Variants in MFSD1 observed in about 807,000 individuals in gnomAD.
MFSD1 encodes major facilitator superfamily domain containing 1, also known as lysosomal dipeptide transporter MFSD1.
A neutral mutation model predicts 67.1 loss-of-function variants in MFSD1; 59 were observed. The observed-to-expected ratio is 0.88, with a 90% CI of 0.71 to 1.09. MFSD1 has a LOEUF of 1.09. Ranked by LOEUF, MFSD1 falls within the 50% of genes least tolerant of loss-of-function variation. The pLI, the probability that MFSD1 is intolerant of heterozygous loss-of-function variation, is 0.00. For synonymous variants in MFSD1, 213 were observed against 200.3 expected (o/e 1.06, Z -0.54); for missense variants, 552 against 566.1 (o/e 0.97, Z 0.25).
intron 13 of MFSD1, 23 bp downstream of exon 13, chr3:158,824,259 T>C: frequency 6.7e-7 from 1 of 1,499,664 alleles, no homozygotes; most frequent in Non-Finnish European, 9.2e-7. Flanking sequence ...TATGACAACA[T>C]TTTGTTTCTT....
Position 158,804,349 on chromosome 3 carries a change from C to T in MFSD1, c.194C>T (p.Ala65Val). ...GSYFCYDNPA[A>V]LQTQVKRDMQ... ...TATTTTTGCTATGATAATCCTGCTG[C>T]CCTTCAGACTCAAGTTAAACGAGTA... The change falls in exon 2 of 16, where the codon GCC (alanine) becomes GTC (valine). Residue 65 changes from alanine (A) to valine (V), a missense_variant. Physicochemically the swap from Ala to Val is moderately conservative, Grantham distance 64 (BLOSUM62 0). Coordinates refer to ENST00000415822, the MANE Select transcript of MFSD1 (RefSeq NM_022736.4). The T allele has an allele frequency of 6.2e-7, 1 of 1,611,178 alleles. No individual in the cohort carries two copies. Among genetic ancestry groups the T allele is most frequent in the Non-Finnish European group, 8.5e-7 (1 of 1,179,048 alleles).
At chr3:158,826,149 T>G in intron 14 of MFSD1, 87 bp downstream of exon 14, 1 of 978,626 alleles carries the variant, frequency 1.0e-6, no homozygotes, top group South Asian at 1.3e-5. Flanking sequence ...GGGCCAGTGC[T>G]TTATTCCATG....
Position 158,807,378 on chromosome 3 carries a change from T to C in MFSD1, c.373-18T>C, listed in dbSNP as rs1729781398. ...AATTTACTTTTTCATTAATTTGACA[T>C]GAACTTCTACATTATAGGTTGTTTT... On this transcript the variant is annotated intron_variant, in intron 4 of 15. Coordinates refer to ENST00000415822, the MANE Select transcript of MFSD1 (RefSeq NM_022736.4). 1 of 1,599,842 alleles carries C rather than the reference T, an allele frequency of 6.3e-7. No homozygotes were observed. The highest frequency in any genetic ancestry group is 8.6e-7 in the Non-Finnish European group (1 of 1,169,396).
At chr3:158,806,067 G>A (rs1729711002) in intron 3 of MFSD1, among the ~76,000 whole-genome samples, 1 of 152,136 alleles carries the variant, frequency 6.6e-6, no homozygotes, top group African/African-American at 2.4e-5. Context: ...GTTGTTAGTG[G>A]AACTGAAGAG....
intron 7 of MFSD1, among the ~76,000 whole-genome samples, chr3:158,814,872 C>T (rs1022295000): frequency 1.6e-4 from 24 of 152,074 alleles, no homozygotes; most frequent in Admixed American, 1.5e-3. Flanking sequence ...CACCTGAGGT[C>T]GGGAGTTCTA....
chr3:158,802,290 G>A lies in MFSD1; in HGVS notation c.138G>A (p.Leu46=). 1.9e-6 allele frequency: 3 copies of A among 1,611,094 alleles called. No homozygotes were observed. The highest frequency in any genetic ancestry group is 2.5e-6 in the Non-Finnish European group (3 of 1,178,304). The change falls in exon 1 of 16, where the codon CTG becomes CTA. Residue 46 remains leucine, a synonymous_variant. Coordinates refer to ENST00000415822, the MANE Select transcript of MFSD1 (RefSeq NM_022736.4). ...PSRLAHRLLV[L]LLMCFLGFGS... ...GCCTGGCGCACCGGCTTTTGGTGCT[G>A]TTACTGATGTGCTTCCTTGGCTTTG...
chr3:158,819,734 A>G lies in MFSD1; in HGVS notation c.738A>G (p.Glu246=), dbSNP rs760594159. The G allele has an allele frequency of 1.9e-6, 3 of 1,596,476 alleles. No homozygotes were observed. The Admixed American group carries it at 5.1e-5, about 27-fold the overall frequency. Residue 246 remains glutamate, a synonymous_variant, in exon 8 of 16, where the codon GAA becomes GAG. Coordinates refer to ENST00000415822, the MANE Select transcript of MFSD1 (RefSeq NM_022736.4). ...GAGCAGAGAGAATCCTTCATAAAGA[A>G]CAAGGAAAAACAGGTAAGTCTAAAT... ...DQRAERILHK[E]QGKTGEVIKL... is the part of the protein sequence containing the mutation.
At chr3:158,811,975 A>G (rs1730045970) in intron 6 of MFSD1, among the ~76,000 whole-genome samples, 1 of 152,234 alleles carries the variant, frequency 6.6e-6, no homozygotes, top group African/African-American at 2.4e-5. Context: ...ACTATTTAAA[A>G]TATCTATTAA....
rs1341414263 is a variant in MFSD1 at position 158,828,996 on chromosome 3, A to C, written c.*14A>C. On this transcript the variant is annotated 3_prime_UTR_variant, in exon 16 of 16. Transcript: ENST00000415822. Reference sequence around the variant, plus strand: ...TTTTGCAGATGAGAAGTTAAAATGAATGTGTCATGAGAATGGGCTTAACAC... The same window carrying C: ...TTTTGCAGATGAGAAGTTAAAATGACTGTGTCATGAGAATGGGCTTAACAC... 6.2e-7 allele frequency: 1 copy of C among 1,604,602 alleles called. No homozygotes were observed. The highest frequency in any genetic ancestry group is 2.2e-5 in the East Asian group (1 of 44,470).
chr3:158,821,565 A>G (rs1730669349), intron 9 of MFSD1, 32 bp from the exon 10 acceptor site: 1 of 1,442,630 alleles, frequency 6.9e-7, no homozygotes, highest in Admixed American at 1.8e-5. Flanking sequence ...GTTCTCTCTA[A>G]TGTGCTAATT....
intron 3 of MFSD1, among the ~76,000 whole-genome samples, chr3:158,806,242 T>A (rs900060093): frequency 2.0e-5 from 3 of 152,142 alleles, no homozygotes; most frequent in Non-Finnish European, 2.9e-5. Flanking sequence ...TTAAATTTAT[T>A]TTTTTTGATC....
intron 7 of MFSD1, among the ~76,000 whole-genome samples, chr3:158,815,985 A>T (rs1250430335): frequency 4.6e-5 from 7 of 152,126 alleles, no homozygotes; most frequent in Non-Finnish European, 1.5e-5. Context: ...ACATGAACTC[A>T]TCATTTTTTA....
At chr3:158,816,106 A>G (rs992329862) in intron 7 of MFSD1, among the ~76,000 whole-genome samples, 9 of 152,044 alleles carry the variant, frequency 5.9e-5, no homozygotes, top group Non-Finnish European at 1.2e-4. Context: ...TAGTGCCGCA[A>G]TAAACATACA....
chr3:158,821,655 T>A lies in MFSD1; in HGVS notation c.920+2T>A. On this transcript the variant is annotated splice_donor_variant, in intron 10 of 15. Transcript: ENST00000415822. LOFTEE classifies it high-confidence loss of function. ...CCAGGCAGCAAGTGCAATTAACAGG[T>A]ATTTTAAAATTAATTTTGTAAGTGC... is the stretch of plus-strand genomic sequence containing the variant. 1 of 1,604,704 alleles carries A rather than the reference T, an allele frequency of 6.2e-7. No homozygotes were observed. The highest frequency in any genetic ancestry group is 2.2e-5 in the East Asian group (1 of 44,782).
In MFSD1 at chr3:158,821,945, G is replaced by C. The variant is rs565741284; in HGVS notation, c.921-39G>C. 3.2e-6 allele frequency: 5 copies of C among 1,587,248 alleles called. No individual in the cohort carries two copies. The South Asian group carries it at 5.6e-5, about 18-fold the overall frequency. On this transcript the variant is annotated intron_variant, in intron 10 of 15. Transcript: ENST00000415822. Reference sequence around the variant, plus strand: ...TTTCTTGAAACTGATGTTTGACTGTGTTGCATTTCATGAAATGTCTTATGT... The same window carrying C: ...TTTCTTGAAACTGATGTTTGACTGTCTTGCATTTCATGAAATGTCTTATGT...
In MFSD1 at chr3:158,805,676, G is replaced by A. The variant is rs572931007; in HGVS notation, c.329+202G>A. Among the ~76,000 whole-genome samples, 31 of 152,316 alleles carry A rather than the reference G, an allele frequency of 2.0e-4. No individual in the cohort carries two copies. The South Asian group carries it at 5.8e-3, about 28-fold the overall frequency. ...TCAGTTAAGGTCAGGACTAGTAAAT[G>A]CTGATGGTATAAGGTAACTCAGTTA... On this transcript the variant is annotated intron_variant, in intron 3 of 15. Coordinates refer to ENST00000415822, the MANE Select transcript of MFSD1 (RefSeq NM_022736.4).
chr3:158,804,167 A>G, intron 1 of MFSD1, 152 bp from the exon 2 acceptor site: 1 of 562,210 alleles, frequency 1.8e-6, no homozygotes. Context: ...TATAACTTAG[A>G]AAATACTGGT....
chr3:158,802,939 G>A (rs1218041642), intron 1 of MFSD1, among the ~76,000 whole-genome samples: 2 of 152,078 alleles, frequency 1.3e-5, no homozygotes, highest in African/African-American at 4.8e-5. Context: ...GAATGATTTC[G>A]TCGGCAGTCT....
intron 5 of MFSD1, chr3:158,808,885 C>G: frequency 3.5e-6 from 1 of 283,666 alleles, no homozygotes; most frequent in East Asian, 6.2e-5. Flanking sequence ...TGTGGCCTCT[C>G]TTTGTGGTTT....
Sources: gnomAD v4.1 joint callset for allele counts (sites outside exome capture counted in the v4.1 genomes callset) on GRCh38, gnomAD v4.1.1 for gene constraint, MANE v1.5 for transcripts, NCBI Gene and HGNC (gene_info 2026-07-23, HGNC 2026-07-21) for gene names.